Variants in EFCAB7 observed in about 807,000 individuals in gnomAD.
The protein encoded by EFCAB7 is EF-hand calcium-binding domain-containing protein 7.
A neutral mutation model predicts 77.1 loss-of-function variants in EFCAB7; 66 were observed. That is an observed-to-expected ratio of 0.86 (90% CI 0.70 to 1.05). The LOEUF is 1.05. Among genes scored for constraint, EFCAB7 ranks in the 50% least tolerant of loss-of-function variants. The pLI, the probability that EFCAB7 is intolerant of heterozygous loss-of-function variation, is 0.00. For synonymous variants in EFCAB7, 225 were observed against 243.3 expected (o/e 0.92, Z 0.70); for missense variants, 638 against 730.5 (o/e 0.87, Z 1.46).
chr1:63,527,611 C>T (rs144761700), intron 2 of EFCAB7, among the ~76,000 whole-genome samples: 3 of 152,206 alleles, frequency 2.0e-5, no homozygotes, highest in South Asian at 2.1e-4. Flanking sequence ...TCTACAGCTA[C>T]GTGATATTTT....
At chr1:63,558,118 A>G (rs1424488946) in intron 10 of EFCAB7, among the ~76,000 whole-genome samples, 1 of 152,198 alleles carries the variant, frequency 6.6e-6, no homozygotes, top group African/African-American at 2.4e-5. Flanking sequence ...ATACATGTAT[A>G]TTGATTTATA....
chr1:63,568,319 T>C lies in EFCAB7; in HGVS notation c.1507T>C (p.Phe503Leu). 1 of 1,602,668 alleles carries C rather than the reference T, an allele frequency of 6.2e-7. No homozygotes were observed. ...KALELTEACP[F>L]VIDIYAEKCK... is the part of the protein sequence containing the mutation. ...TTTTTTTTCCTATCAGGCATGTCCA[T>C]TTGTCATTGATATCTATGCAGAAAA... is the stretch of plus-strand genomic sequence containing the variant. The change falls in exon 12 of 14, where the codon TTT (phenylalanine) becomes CTT (leucine). Residue 503 changes from phenylalanine to leucine, a missense_variant. Coordinates refer to ENST00000371088, the MANE Select transcript of EFCAB7 (RefSeq NM_032437.4).
intron 6 of EFCAB7, among the ~76,000 whole-genome samples, chr1:63,540,093 TG>T (rs2100885188): frequency 6.6e-6 from 1 of 152,310 alleles, no homozygotes; most frequent in African/African-American, 2.4e-5. Context: ...CCAGGCGCAG[TG>T]GCTCACGCCT....
rs1411897723 is a variant in EFCAB7, at chr1:63,568,295, T to A, written c.1498-15T>A. 1 of 1,579,484 alleles carries A rather than the reference T, an allele frequency of 6.3e-7. No individual in the cohort carries two copies. Among genetic ancestry groups the A allele is most frequent in the South Asian group, 1.2e-5 (1 of 84,852 alleles). On this transcript the variant is annotated splice_polypyrimidine_tract_variant and intron_variant, in intron 11 of 13. Coordinates refer to ENST00000371088, the MANE Select transcript of EFCAB7 (RefSeq NM_032437.4). ...TCTATCAAAAGGCTGAAACAAGATT[T>A]TTTTTTCCTATCAGGCATGTCCATT...
At chr1:63,530,942 T>C (rs1174191301) in intron 2 of EFCAB7, among the ~76,000 whole-genome samples, 1 of 152,214 alleles carries the variant, frequency 6.6e-6, no homozygotes, top group East Asian at 1.9e-4. Context: ...TGTTGTATAA[T>C]GATCAAATCA....
In EFCAB7 at chr1:63,572,543, T is replaced by A; in HGVS notation, c.*27T>A. On this transcript the variant is annotated 3_prime_UTR_variant, in exon 14 of 14. Transcript: ENST00000371088. Reference sequence around the variant, plus strand: ...TAATTATACTTAGAACTTACCAAACTAAGAATTATTTCAGATTTAGTCTGT... The same window carrying A: ...TAATTATACTTAGAACTTACCAAACAAAGAATTATTTCAGATTTAGTCTGT... The A allele has an allele frequency of 1.4e-6, 2 of 1,380,642 alleles. No individual in the cohort carries two copies. The highest frequency in any genetic ancestry group is 1.9e-6 in the Non-Finnish European group (2 of 1,029,702). The allele number at this position is 1,380,642 out of a possible 1,614,324, so 85.5% of individuals were successfully genotyped here. A position where few individuals can be genotyped will look rare whatever the true frequency, so the allele number is the denominator to read the frequency against.
intron 4 of EFCAB7, among the ~76,000 whole-genome samples, chr1:63,533,033 A>G (rs1207069902): frequency 6.6e-6 from 1 of 152,130 alleles, no homozygotes; most frequent in African/African-American, 2.4e-5. Context: ...CAATCTGATG[A>G]CTACATTAAA....
At chr1:63,523,761 T>G (rs1174299239) in intron 1 of EFCAB7, 127 bp downstream of exon 1, 2 of 153,420 alleles carry the variant, frequency 1.3e-5, no homozygotes, top group Non-Finnish European at 2.9e-5. Context: ...ACCTAAAATG[T>G]ACATGTAAAT....
At position 63,568,430 on chromosome 1, in the gene EFCAB7, G is replaced by A. The variant is rs761298329; in HGVS notation, c.1618G>A (p.Gly540Ser). 30 of 1,588,538 alleles carry A rather than the reference G, an allele frequency of 1.9e-5. No individual in the cohort carries two copies. Among genetic ancestry groups the A allele is most frequent in the Non-Finnish European group, 2.3e-5 (27 of 1,169,446 alleles). The part of the protein sequence containing the change: ...KAICKSVLSN[G>S]DAKVMDGYEN... ...CATTTGTAAATCTGTTCTTAGCAAC[G>A]GTGATGCCAAAGTAATGGATGGCTA... The change falls in exon 12 of 14, where the codon GGT (glycine) becomes AGT (serine). Residue 540 changes from glycine to serine, a missense_variant. Physicochemically the swap from Gly to Ser is moderately conservative, Grantham distance 56. Transcript: ENST00000371088.
chr1:63,580,081 A>G, the EFCAB7 span, among the ~76,000 whole-genome samples: 6 of 152,316 alleles, frequency 3.9e-5, no homozygotes, highest in South Asian at 1.2e-3. Context: ...ATGAAGTCCA[A>G]TTAATCAGTT....
intron 11 of EFCAB7, among the ~76,000 whole-genome samples, chr1:63,563,757 C>T (rs1220849600): frequency 2.6e-5 from 4 of 152,066 alleles, no homozygotes; most frequent in Non-Finnish European, 5.9e-5. Context: ...ATTCTTATTA[C>T]TTATTTCTTT....
chr1:63,574,166 T>G (rs574588573), downstream of EFCAB7, among the ~76,000 whole-genome samples: 15 of 152,064 alleles, frequency 9.9e-5, no homozygotes, highest in African/African-American at 3.6e-4. Flanking sequence ...TCCCCGAGCT[T>G]GATGTGTAGG....
intron 6 of EFCAB7, among the ~76,000 whole-genome samples, chr1:63,540,678 T>C (rs1646817941): frequency 6.6e-6 from 1 of 152,186 alleles, no homozygotes; most frequent in Non-Finnish European, 1.5e-5. Context: ...ATGACTTCTT[T>C]CTGTCATGGG....
chr1:63,544,905 C>A (rs941364610), intron 6 of EFCAB7, among the ~76,000 whole-genome samples: 1 of 150,802 alleles, frequency 6.6e-6, no homozygotes, highest in Admixed American at 6.6e-5. Context: ...TTCAATACTT[C>A]ATTTTTCTTT....
At chr1:63,560,044 C>T (rs894800686) in intron 10 of EFCAB7, among the ~76,000 whole-genome samples, 2 of 152,020 alleles carry the variant, frequency 1.3e-5, no homozygotes, top group Non-Finnish European at 2.9e-5. Flanking sequence ...CAAGCTTCAC[C>T]TCCCGGGTTC....
chr1:63,582,087 CTGCA>C, the EFCAB7 span, among the ~76,000 whole-genome samples: 2 of 152,212 alleles, frequency 1.3e-5, no homozygotes, highest in Admixed American at 1.3e-4. Flanking sequence ...ACTGAAAACA[CTGCA>C]TGCTGTGATG....
Position 63,533,440 on chromosome 1 carries a change from T to C in EFCAB7, c.487-14T>C. 6.3e-7 allele frequency: 1 copy of C among 1,594,688 alleles called. No homozygotes were observed. Among genetic ancestry groups the C allele is most frequent in the South Asian group, 1.1e-5 (1 of 87,324 alleles). On this transcript the variant is annotated splice_polypyrimidine_tract_variant and intron_variant, in intron 4 of 13. Transcript: ENST00000371088. The stretch of plus-strand genomic sequence containing the variant: ...ATTGAATGTTTTACCCACTGGACTT[T>C]TTTTTTCCTGTAGTTTTGTAAATTA...
intron 11 of EFCAB7, among the ~76,000 whole-genome samples, chr1:63,564,243 CT>C (rs1396943093): frequency 6.6e-6 from 1 of 151,922 alleles, no homozygotes; most frequent in African/African-American, 2.4e-5. Flanking sequence ...AGTTTTCTTG[CT>C]TGTTGTTTGC....
At position 63,572,592 on chromosome 1, in the gene EFCAB7, A is replaced by G. The variant is rs745749431; in HGVS notation, c.*76A>G. On this transcript the variant is annotated 3_prime_UTR_variant, in exon 14 of 14. Coordinates refer to ENST00000371088, the MANE Select transcript of EFCAB7 (RefSeq NM_032437.4). ...GTTATTTATTAAACAACTAAATGCTACTTAACTGATGTACCTAAATAATAA... is the reference window on the plus strand; with the variant it reads ...GTTATTTATTAAACAACTAAATGCTGCTTAACTGATGTACCTAAATAATAA... The G allele has an allele frequency of 8.2e-7, 1 of 1,224,248 alleles. No individual in the cohort carries two copies. The highest frequency in any genetic ancestry group is 1.1e-6 in the Non-Finnish European group (1 of 922,790). The allele number at this position is 1,224,248 out of a possible 1,614,324, so 75.8% of individuals were successfully genotyped here.
Sources: allele counts gnomAD v4.1 joint callset (sites outside exome capture counted in the v4.1 genomes callset), GRCh38; gene constraint gnomAD v4.1.1; transcripts MANE v1.5; gene names NCBI Gene and HGNC (gene_info 2026-07-23, HGNC 2026-07-21).